Variants in TMTC1 observed in about 807,000 individuals in gnomAD.
The protein encoded by TMTC1 is transmembrane O-mannosyltransferase targeting cadherins 1.
In TMTC1, 73 loss-of-function variants were observed where a neutral mutation model predicts 104.8. The observed-to-expected ratio is 0.70, with a 90% CI of 0.58 to 0.85. The LOEUF (loss-of-function observed/expected upper bound fraction) is 0.85, where lower values mean the gene tolerates loss of function less well. TMTC1 is among the 40% of genes least tolerant of loss of function. The probability of loss-of-function intolerance (pLI) is 0.00; values close to 1 mark genes in which losing one functional copy is unlikely to be tolerated. For synonymous variants in TMTC1, 434 were observed against 428.7 expected (o/e 1.01, Z -0.15); for missense variants, 1,035 against 1,096.1 (o/e 0.94, Z 0.79).
At chr12:29,610,625 ACAGCTG>A in intron 6 of TMTC1, among the ~76,000 whole-genome samples, 1 of 152,224 alleles carries the variant, frequency 6.6e-6, no homozygotes, top group East Asian at 1.9e-4. Flanking sequence ...AGAGCCTGTT[ACAGCTG>A]CCACACACCT....
At chr12:29,680,558 T>TGCC (rs1940880036) in intron 5 of TMTC1, among the ~76,000 whole-genome samples, 1 of 152,246 alleles carries the variant, frequency 6.6e-6, no homozygotes, top group African/African-American at 2.4e-5. Context: ...CCAACTACGT[T>TGCC]ACAGTCAATA....
intron 10 of TMTC1, among the ~76,000 whole-genome samples, chr12:29,539,211 T>G (rs900458057): frequency 6.6e-6 from 1 of 152,220 alleles, no homozygotes; most frequent in Non-Finnish European, 1.5e-5. Flanking sequence ...ATGATTATTA[T>G]GTGAGATTGA....
chr12:29,745,817 A>G (rs1256864027), intron 5 of TMTC1, among the ~76,000 whole-genome samples: 1 of 152,114 alleles, frequency 6.6e-6, no homozygotes, highest in Non-Finnish European at 1.5e-5. Context: ...TATATAGTTC[A>G]GCCTAAAAGT....
chr12:29,560,725 G>A (rs1311916628), intron 9 of TMTC1, among the ~76,000 whole-genome samples: 1 of 152,170 alleles, frequency 6.6e-6, no homozygotes, highest in Non-Finnish European at 1.5e-5. Flanking sequence ...ATCCATTTAA[G>A]CATTTTAGGG....
intron 13 of TMTC1, among the ~76,000 whole-genome samples, chr12:29,517,793 C>A (rs1166422536): frequency 6.6e-6 from 1 of 152,056 alleles, no homozygotes; most frequent in Non-Finnish European, 1.5e-5. Context: ...TTGGCTCATG[C>A]AACCTCCACC....
rs1943660680 is a variant in TMTC1 at position 29,504,655 on chromosome 12, T to C, written c.*2191A>G. ...GAAAGCACCTACAGGAGGCAGAGAG[T>C]TTCCTGAAGGTCATGTGATCCTTTA... is the stretch of plus-strand genomic sequence containing the variant. On this transcript the variant is annotated 3_prime_UTR_variant, in exon 18 of 18. Transcript: ENST00000539277. 6.6e-6 allele frequency: 1 copy of C among 151,468 alleles called. No individual in the cohort carries two copies. Among genetic ancestry groups the C allele is most frequent in the Non-Finnish European group, 1.5e-5 (1 of 67,840 alleles). 9.4% of individuals were successfully genotyped at this position (151,468 alleles called of 1,614,324 possible).
At chr12:29,548,017 AG>A (rs1414383314) in intron 10 of TMTC1, among the ~76,000 whole-genome samples, 1 of 152,198 alleles carries the variant, frequency 6.6e-6, no homozygotes, top group Non-Finnish European at 1.5e-5. Context: ...ACAGGTGCAA[AG>A]GAGAAGCACC....
chr12:29,783,509 C>A lies in TMTC1; in HGVS notation c.243G>T (p.Lys81Asn). 1.4e-6 allele frequency: 2 copies of A among 1,435,242 alleles called. No individual in the cohort carries two copies. Among genetic ancestry groups the A allele is most frequent in the South Asian group, 1.4e-5 (1 of 72,274 alleles). 88.9% of individuals were successfully genotyped at this position (1,435,242 alleles called of 1,614,324 possible). ...TGTGGCTGGTGTTCTCGGCCATGCC[C>A]TTGCCCCAGAAGTCGTTGGTGAAGA... ...WGIFTNDFWG[K>N]GMAENTSHKS... The change falls in exon 1 of 18, where the codon AAG becomes AAT. Residue 81 changes from lysine to asparagine, a missense_variant. Coordinates refer to ENST00000539277, the MANE Select transcript of TMTC1 (RefSeq NM_001193451.2). This position sits in a 1 kb window ranked among gnomAD's most constrained non-coding sequence, Gnocchi z 4.7.
intron 5 of TMTC1, among the ~76,000 whole-genome samples, chr12:29,744,738 T>C (rs1942908380): frequency 6.6e-6 from 1 of 152,200 alleles, no homozygotes; most frequent in African/African-American, 2.4e-5. Flanking sequence ...AAAACACTTT[T>C]CTGGCAAGTT....
chr12:29,677,107 A>G (rs2136701219), intron 5 of TMTC1, among the ~76,000 whole-genome samples: 1 of 152,294 alleles, frequency 6.6e-6, no homozygotes, highest in South Asian at 2.1e-4. Flanking sequence ...TTTCAGTTCC[A>G]CCTTCAAGAA....
At chr12:29,735,949 TC>T (rs1942661125) in intron 5 of TMTC1, among the ~76,000 whole-genome samples, 1 of 152,190 alleles carries the variant, frequency 6.6e-6, no homozygotes, top group Non-Finnish European at 1.5e-5. Flanking sequence ...TTGTAGAGTC[TC>T]CTCGGGTCTA....
intron 7 of TMTC1, among the ~76,000 whole-genome samples, chr12:29,586,274 T>C (rs1380518460): frequency 2.0e-5 from 3 of 152,098 alleles, no homozygotes; most frequent in Non-Finnish European, 4.4e-5. Context: ...GTGATTTTTG[T>C]ACATTGATTT....
At chr12:29,594,386 C>A (rs928487466) in intron 7 of TMTC1, among the ~76,000 whole-genome samples, 25 of 152,250 alleles carry the variant, frequency 1.6e-4, no homozygotes, top group African/African-American at 5.8e-4. Flanking sequence ...ACAGACCTGA[C>A]TGCATAGGCA....
chr12:29,627,688 CAA>C (rs34808896), intron 6 of TMTC1, among the ~76,000 whole-genome samples: 3,343 of 140,694 alleles, frequency 0.024, 48 homozygotes, highest in Middle Eastern at 0.042. Flanking sequence ...TTTAGTAGTC[CAA>C]AAAAAAAAAA....
At chr12:29,555,065 T>G (rs541069708) in intron 10 of TMTC1, among the ~76,000 whole-genome samples, 48 of 151,640 alleles carry the variant, frequency 3.2e-4, no homozygotes, top group Non-Finnish European at 6.5e-4. Flanking sequence ...AAGAAAAATT[T>G]TACATCAATT....
At chr12:29,587,343 T>A (rs989477044) in intron 7 of TMTC1, among the ~76,000 whole-genome samples, 13 of 152,138 alleles carry the variant, frequency 8.5e-5, no homozygotes, top group Non-Finnish European at 1.8e-4. Context: ...TTTATTTTTT[T>A]ATTTTTTTTA....
intron 6 of TMTC1, among the ~76,000 whole-genome samples, chr12:29,631,349 T>C (rs1181962199): frequency 6.6e-6 from 1 of 152,234 alleles, no homozygotes; most frequent in African/African-American, 2.4e-5. Context: ...ATTTTCTCCT[T>C]TTCTTTTAGA....
At chr12:29,539,438 G>T (rs1944733386) in intron 10 of TMTC1, among the ~76,000 whole-genome samples, 1 of 152,050 alleles carries the variant, frequency 6.6e-6, no homozygotes, top group Admixed American at 6.5e-5. Context: ...ATTACGTGCC[G>T]ACAACGGGAA....
rs1192155051 is a variant in TMTC1, at chr12:29,783,500, G to A, written c.252C>T (p.Ala84=). 2.1e-6 allele frequency: 3 copies of A among 1,410,886 alleles called. No homozygotes were observed. Among genetic ancestry groups the A allele is most frequent in the African/African-American group, 1.5e-5 (1 of 68,036 alleles). The allele number at this position is 1,410,886 out of a possible 1,614,324, so 87.4% of individuals were successfully genotyped here. ...GGTAGGACTTGTGGCTGGTGTTCTC[G>A]GCCATGCCCTTGCCCCAGAAGTCGT... is the stretch of plus-strand genomic sequence containing the variant. ...FTNDFWGKGM[A]ENTSHKSYRP... Residue 84 remains alanine (A), a synonymous_variant, in exon 1 of 18, where the codon GCC becomes GCT. Transcript: ENST00000539277. This position sits in a 1 kb window ranked among gnomAD's most constrained non-coding sequence, Gnocchi z 4.7.
Sources: gnomAD v4.1 joint callset for allele counts (sites outside exome capture counted in the v4.1 genomes callset) on GRCh38, gnomAD v4.1.1 for gene constraint, Gnocchi (gnomAD v3.1) non-coding constraint, MANE v1.5 for transcripts, NCBI Gene and HGNC (gene_info 2026-07-23, HGNC 2026-07-21) for gene names.